ADGRL3: variants seen among roughly 807,000 people sequenced by gnomAD.
ADGRL3 encodes the protein adhesion G protein-coupled receptor L3, also known as calcium-independent alpha-latrotoxin receptor 3.
A neutral mutation model predicts 153.5 loss-of-function variants in ADGRL3; 62 were observed. The observed-to-expected ratio is 0.40, with a 90% CI of 0.33 to 0.50. ADGRL3 has a LOEUF of 0.50. ADGRL3 is among the 20% of genes least tolerant of loss of function. The pLI, the probability that ADGRL3 is intolerant of heterozygous loss-of-function variation, is 0.47. For synonymous variants in ADGRL3, 710 were observed against 672.5 expected (o/e 1.06, Z -0.86); for missense variants, 1,641 against 1,859.4 (o/e 0.88, Z 2.16).
chr4:61,443,332 CTTAAAA>C (rs1450041104), intron 2 of ADGRL3, among the ~76,000 whole-genome samples: 1 of 152,042 alleles, frequency 6.6e-6, no homozygotes, highest in African/African-American at 2.4e-5. Context: ...TTTATTTAAT[CTTAAAA>C]TTTAAGTAAT....
chr4:61,682,107 C>T (rs934568901), intron 6 of ADGRL3, among the ~76,000 whole-genome samples: 3 of 151,886 alleles, frequency 2.0e-5, no homozygotes, highest in Non-Finnish European at 2.9e-5. Flanking sequence ...TAAAAATATA[C>T]ATTATATAAA....
intron 4 of ADGRL3, among the ~76,000 whole-genome samples, chr4:61,519,066 T>C (rs981472189): frequency 6.6e-6 from 1 of 152,076 alleles, no homozygotes; most frequent in Non-Finnish European, 1.5e-5. Context: ...TAAGAAGAAA[T>C]ACAGAAATAA....
chr4:61,222,599 A>T (rs924292893), intron 1 of ADGRL3, among the ~76,000 whole-genome samples: 3 of 152,196 alleles, frequency 2.0e-5, no homozygotes, highest in Non-Finnish European at 4.4e-5. Context: ...GCCAAAAAAA[A>T]TGTTAATTTC....
At chr4:61,307,372 A>G (rs996040853) in intron 1 of ADGRL3, among the ~76,000 whole-genome samples, 3 of 152,150 alleles carry the variant, frequency 2.0e-5, no homozygotes, top group Non-Finnish European at 2.9e-5. Flanking sequence ...TTTTATCACT[A>G]TTTCACAGAT....
intron 1 of ADGRL3, among the ~76,000 whole-genome samples, chr4:61,238,987 C>T (rs1021574367): frequency 6.6e-6 from 1 of 152,038 alleles, no homozygotes; most frequent in Non-Finnish European, 1.5e-5. Flanking sequence ...TTTAGACACT[C>T]TTGTGGGCAT....
At chr4:61,776,777 TTC>T (rs1261940781) in intron 8 of ADGRL3, among the ~76,000 whole-genome samples, 1 of 152,190 alleles carries the variant, frequency 6.6e-6, no homozygotes, top group African/African-American at 2.4e-5. Context: ...CAGTTGCTAT[TTC>T]TGTGTTGATA....
At position 61,935,324 on chromosome 4, in the gene ADGRL3, T is replaced by A. The variant is rs139250979; in HGVS notation, c.2296+301T>A. Among the ~76,000 whole-genome samples the A allele has an allele frequency of 2.0e-3, 298 of 152,306 alleles. 2 individuals carry two copies. Among genetic ancestry groups the A allele is most frequent in the Admixed American group, 5.0e-3 (77 of 15,286 alleles). ...ACTTTTATGTATGTATTACACTATT[T>A]AAAATTTCATCCTCTTAATACAGGA... On this transcript the variant is annotated intron_variant, in intron 14 of 26. Coordinates refer to ENST00000683033, the MANE Select transcript of ADGRL3 (RefSeq NM_001387552.1).
chr4:61,353,106 G>A (rs1038621546), intron 1 of ADGRL3, among the ~76,000 whole-genome samples: 42 of 152,242 alleles, frequency 2.8e-4, no homozygotes, highest in African/African-American at 9.9e-4. Context: ...GGAGTTTGCT[G>A]TTGCTTTTGG....
chr4:61,815,944 T>G (rs745492618), intron 9 of ADGRL3, among the ~76,000 whole-genome samples: 1 of 152,186 alleles, frequency 6.6e-6, no homozygotes, highest in Non-Finnish European at 1.5e-5. Flanking sequence ...CTTTATAAAT[T>G]ACCCCATCAC....
chr4:61,320,000 A>G (rs2150731877), intron 1 of ADGRL3, among the ~76,000 whole-genome samples: 1 of 152,264 alleles, frequency 6.6e-6, no homozygotes, highest in East Asian at 1.9e-4. Context: ...ATGAAGTCCT[A>G]AGGATGAAGC....
At chr4:61,759,626 T>G (rs1310773586) in intron 8 of ADGRL3, among the ~76,000 whole-genome samples, 2 of 151,646 alleles carry the variant, frequency 1.3e-5, no homozygotes, top group South Asian at 2.1e-4. Flanking sequence ...ACTTCCTCCT[T>G]TAGCTCAGAG....
intron 9 of ADGRL3, among the ~76,000 whole-genome samples, chr4:61,827,234 A>G (rs1250144793): frequency 1.3e-5 from 2 of 152,204 alleles, no homozygotes; most frequent in Admixed American, 6.5e-5. Flanking sequence ...TGCTGTGCCC[A>G]CACAATCAGA....
chr4:61,459,210 A>G (rs1196956276), intron 2 of ADGRL3, among the ~76,000 whole-genome samples: 4 of 151,818 alleles, frequency 2.6e-5, no homozygotes, highest in Non-Finnish European at 3.0e-5. Flanking sequence ...CAAATATTTC[A>G]TGATATTCGA....
intron 2 of ADGRL3, among the ~76,000 whole-genome samples, chr4:61,457,179 C>G (rs1192259279): frequency 6.6e-6 from 1 of 151,700 alleles, no homozygotes; most frequent in Non-Finnish European, 1.5e-5. Context: ...ATTTATAATG[C>G]CCCAATTTAA....
In ADGRL3 at chr4:61,729,236, T is replaced by G. The variant is rs963478347; in HGVS notation, c.584-1386T>G. 7.2e-5 allele frequency among the ~76,000 whole-genome samples: 11 copies of G among 151,868 alleles called. No individual in the cohort carries two copies. In the East Asian group the frequency reaches 1.7e-3, roughly 24 times the overall value. ...GAAACTATTTAAAACATAATAATATTTATTAATTAGCGAGATGAAGGATCT... is the reference window on the plus strand; with the variant it reads ...GAAACTATTTAAAACATAATAATATGTATTAATTAGCGAGATGAAGGATCT... On this transcript the variant is annotated intron_variant, in intron 6 of 26. Transcript: ENST00000683033.
At chr4:61,744,357 G>A (rs548645051) in intron 8 of ADGRL3, among the ~76,000 whole-genome samples, 4 of 152,312 alleles carry the variant, frequency 2.6e-5, no homozygotes, top group East Asian at 3.9e-4. Context: ...TTTGAAGAGA[G>A]CAGTGGTTCA....
intron 5 of ADGRL3, among the ~76,000 whole-genome samples, chr4:61,620,643 T>TG (rs1304038001): frequency 7.3e-6 from 1 of 136,442 alleles, no homozygotes; most frequent in African/African-American, 2.8e-5. Context: ...ACTTTTTTTT[T>TG]TTTTTTTTTT....
At chr4:61,300,764 C>CTTTTTTT (rs1304409504) in intron 1 of ADGRL3, among the ~76,000 whole-genome samples, 1 of 111,496 alleles carries the variant, frequency 9.0e-6, no homozygotes, top group African/African-American at 2.9e-5. Flanking sequence ...TCTTTTCTTT[C>CTTTTTTT]TTTCTTTTTT....
chr4:61,308,089 T>C (rs894886604), intron 1 of ADGRL3, among the ~76,000 whole-genome samples: 2 of 152,138 alleles, frequency 1.3e-5, no homozygotes, highest in African/African-American at 4.8e-5. Context: ...TACTGGCCAC[T>C]TGGGAAGAAA....
Sources: allele counts gnomAD v4.1 joint callset (sites outside exome capture counted in the v4.1 genomes callset), GRCh38; gene constraint gnomAD v4.1.1; transcripts MANE v1.5; gene names NCBI Gene and HGNC (gene_info 2026-07-23, HGNC 2026-07-21).